Variants in PCDHA10 observed in about 807,000 individuals in gnomAD.
PCDHA10 encodes protocadherin alpha 10, also known as protocadherin alpha-10.
PCDHA10 carries 45 observed loss-of-function variants against 61.2 expected under a neutral mutation model. The observed-to-expected ratio is 0.74, with a 90% CI of 0.58 to 0.94. The LOEUF (loss-of-function observed/expected upper bound fraction) is 0.94, where lower values mean the gene tolerates loss of function less well. PCDHA10 is among the 40% of genes least tolerant of loss of function. The pLI is 0.00. For synonymous variants in PCDHA10, 602 were observed against 548.8 expected (o/e 1.10, Z -1.35); for missense variants, 1,278 against 1,236.2 (o/e 1.03, Z -0.51).
chr5:140,923,155 A>G (rs1316496589), intron 1 of PCDHA10, among the ~76,000 whole-genome samples: 4 of 152,236 alleles, frequency 2.6e-5, no homozygotes, highest in Non-Finnish European at 5.9e-5. Context: ...AAAAAATTAT[A>G]GAAAGATAAA....
chr5:140,882,596 G>C, intron 1 of PCDHA10: 1 of 1,614,248 alleles, frequency 6.2e-7, no homozygotes, highest in Non-Finnish European at 8.5e-7. Context: ...GGAGGTGATC[G>C]TGGACAGGCC....
rs781928314 is a variant in PCDHA10 at position 140,876,618 on chromosome 5, T to A, written c.2388+18182T>A. On this transcript the variant is annotated intron_variant, in intron 1 of 3. Coordinates refer to ENST00000307360, the MANE Select transcript of PCDHA10 (RefSeq NM_018901.4). ...TGTCGGATCGTGACTCTGGAGCCAA[T>A]GGACAGGTCATCTGCTCACTGACAC... is the stretch of plus-strand genomic sequence containing the variant. 3.7e-6 allele frequency: 6 copies of A among 1,614,074 alleles called. No homozygotes were observed. The South Asian group carries it at 4.4e-5, about 12-fold the overall frequency.
At chr5:140,989,619 TC>T (rs2097351060) in intron 3 of PCDHA10, among the ~76,000 whole-genome samples, 1 of 152,196 alleles carries the variant, frequency 6.6e-6, no homozygotes. Flanking sequence ...TGAAAGTCTG[TC>T]CTAGTGACAG....
Position 140,855,899 on chromosome 5 carries a change from C to A in PCDHA10, c.-150C>A. ...TAGCTTTTTAGAACAAAGGCATCAG[C>A]CAGTTTCTCAAGGACTAGGAAGTAG... is the stretch of plus-strand genomic sequence containing the variant. On this transcript the variant is annotated 5_prime_UTR_variant, in exon 1 of 4. Transcript: ENST00000307360. 9.3e-7 allele frequency: 1 copy of A among 1,074,020 alleles called. No individual in the cohort carries two copies. Among genetic ancestry groups the A allele is most frequent in the Non-Finnish European group, 1.3e-6 (1 of 753,592 alleles). The allele number at this position is 1,074,020 out of a possible 1,614,324, so 66.5% of individuals were successfully genotyped here. A position where few individuals can be genotyped will look rare whatever the true frequency, so the allele number is the denominator to read the frequency against.
intron 3 of PCDHA10, among the ~76,000 whole-genome samples, chr5:140,986,642 T>C (rs1213431039): frequency 6.6e-6 from 1 of 152,174 alleles, no homozygotes; most frequent in Non-Finnish European, 1.5e-5. Flanking sequence ...ACATTAGTTT[T>C]AGAGTGGGAG....
intron 1 of PCDHA10, chr5:140,967,413 A>C: frequency 6.2e-7 from 1 of 1,613,218 alleles, no homozygotes; most frequent in Non-Finnish European, 8.5e-7. Context: ...AAGGGCCTAG[A>C]CCGGGAGCAG....
chr5:140,968,866 A>C, intron 1 of PCDHA10: 1 of 1,614,230 alleles, frequency 6.2e-7, no homozygotes, highest in Non-Finnish European at 8.5e-7. Context: ...GCCCTCGGAC[A>C]TACTCTGAAA....
chr5:140,987,391 G>A (rs1277678841), intron 3 of PCDHA10, among the ~76,000 whole-genome samples: 1 of 152,140 alleles, frequency 6.6e-6, no homozygotes, highest in Non-Finnish European at 1.5e-5. Flanking sequence ...ATGCATGCAA[G>A]GAAGCCATCT....
chr5:140,883,294 T>A (rs782475623), intron 1 of PCDHA10: 6 of 1,613,956 alleles, frequency 3.7e-6, no homozygotes, highest in Non-Finnish European at 4.2e-6. Context: ...AAGTACTAGA[T>A]GTAAATGATA....
intron 1 of PCDHA10, among the ~76,000 whole-genome samples, chr5:140,932,585 T>C (rs1275216145): frequency 6.6e-6 from 1 of 151,944 alleles, no homozygotes; most frequent in Non-Finnish European, 1.5e-5. Flanking sequence ...GGTAATTAGA[T>C]GTTTTGTATA....
intron 1 of PCDHA10, among the ~76,000 whole-genome samples, chr5:140,925,841 C>CT (rs1451775258): frequency 1.3e-5 from 2 of 152,066 alleles, no homozygotes; most frequent in African/African-American, 4.8e-5. Flanking sequence ...GTCGTCAAGT[C>CT]TTTGAGTTTC....
intron 1 of PCDHA10, among the ~76,000 whole-genome samples, chr5:140,917,068 GAGTTTAATGTAAAGTTCCCC>G (rs1192645655): frequency 1.3e-5 from 2 of 152,066 alleles, no homozygotes; most frequent in Non-Finnish European, 2.9e-5. Context: ...CGACAGCACC[GAGTTTAATGTAAAGTTCCCC>G]AGTTGCTGTG....
intron 1 of PCDHA10, among the ~76,000 whole-genome samples, chr5:140,961,280 C>T (rs246003): frequency 7.2e-5 from 11 of 152,104 alleles, no homozygotes; most frequent in Non-Finnish European, 1.0e-4. Flanking sequence ...TACCATGGCT[C>T]TGTTTCTTGA....
chr5:140,869,445 G>T, intron 1 of PCDHA10: 2 of 1,614,232 alleles, frequency 1.2e-6, no homozygotes, highest in Non-Finnish European at 1.7e-6. Flanking sequence ...ACAGGCCGCT[G>T]CAGGTTTTCC....
intron 1 of PCDHA10, chr5:140,969,353 C>T (rs781980010): frequency 3.7e-6 from 6 of 1,612,562 alleles, no homozygotes; most frequent in Non-Finnish European, 4.2e-6. Context: ...GTCAGGGGGT[C>T]TTCTACAAAC....
At chr5:141,003,515 G>T (rs1402480495) in intron 3 of PCDHA10, among the ~76,000 whole-genome samples, 1 of 152,114 alleles carries the variant, frequency 6.6e-6, no homozygotes, top group African/African-American at 2.4e-5. Context: ...GTTTCACCAT[G>T]TTCCCTAGGC....
At chr5:140,996,389 A>G (rs543903221) in intron 3 of PCDHA10, among the ~76,000 whole-genome samples, 3 of 152,328 alleles carry the variant, frequency 2.0e-5, no homozygotes, top group Admixed American at 1.3e-4. Context: ...ATAATGCCTC[A>G]TAGAGTTTCA....
At chr5:141,004,495 C>T (rs1363359146) in intron 3 of PCDHA10, among the ~76,000 whole-genome samples, 14 of 152,182 alleles carry the variant, frequency 9.2e-5, no homozygotes, top group Admixed American at 9.2e-4. Flanking sequence ...TCTTGGCAGT[C>T]CTGCTGTGAG....
intron 1 of PCDHA10, chr5:140,867,128 A>G (rs1328487179): frequency 2.0e-5 from 3 of 152,164 alleles, no homozygotes; most frequent in African/African-American, 4.8e-5. Flanking sequence ...TAATTCAAAT[A>G]TGTGATATTA....
Sources: allele counts gnomAD v4.1 joint callset (sites outside exome capture counted in the v4.1 genomes callset), GRCh38; gene constraint gnomAD v4.1.1; transcripts MANE v1.5; gene names NCBI Gene and HGNC (gene_info 2026-07-23, HGNC 2026-07-21).